The following EVC variants were observed in gnomAD, a reference collection of about 807,000 sequenced individuals.
EVC encodes the protein EvC ciliary complex subunit 1.
Under a neutral mutation model 118.9 loss-of-function variants are expected in EVC, and 116 were observed. The observed-to-expected ratio is 0.98, with a 90% CI of 0.84 to 1.14. The LOEUF (loss-of-function observed/expected upper bound fraction) is 1.14, where lower values mean the gene tolerates loss of function less well. Among genes scored for constraint, EVC ranks in the 50% most tolerant of loss-of-function variants. The pLI is 0.00. For missense variants in EVC, 1,401 were observed against 1,246.4 expected (o/e 1.12, Z -1.87); for synonymous variants, 619 against 534.7 (o/e 1.16, Z -2.18).
intron 18 of EVC, 21 bp from the exon 19 acceptor site, chr4:5,809,497 T>A: frequency 6.2e-7 from 1 of 1,610,606 alleles, no homozygotes; most frequent in Non-Finnish European, 8.5e-7. Flanking sequence ...AGCTGAATGC[T>A]CCTCTCTGCT....
Position 5,748,164 on chromosome 4 carries a change from AAC to A in EVC, c.958_959del (p.Gln320AspfsTer13). On this transcript the variant is annotated frameshift_variant, in exon 8 of 21. Coordinates refer to ENST00000264956, the MANE Select transcript of EVC (RefSeq NM_153717.3). LOFTEE classifies it high-confidence loss of function. ...ATTTCACAGATGGAAGCTTTCTGGA[AAC>A]AGATGGCAAATATCCAGCACTTTCT... is the stretch of plus-strand genomic sequence containing the variant. The A allele has an allele frequency of 1.2e-6, 2 of 1,614,220 alleles. No homozygotes were observed. The highest frequency in any genetic ancestry group is 1.7e-6 in the Non-Finnish European group (2 of 1,180,048).
chr4:5,756,516 G>A lies in EVC; in HGVS notation c.1563+154G>A, dbSNP rs556497958. ...CACGCAGGCTGTGTCCCCTCCATGC[G>A]ATCCTCCTTGCCCACATCAGAAACC... is the stretch of plus-strand genomic sequence containing the variant. On this transcript the variant is annotated intron_variant, in intron 11 of 20. Transcript: ENST00000264956. The surrounding 1 kb of genome is among the most constrained non-coding windows in gnomAD (Gnocchi z 4.2). Among the ~76,000 whole-genome samples, 5 of 152,178 alleles carry A rather than the reference G, an allele frequency of 3.3e-5. No individual in the cohort carries two copies. Among genetic ancestry groups the A allele is most frequent in the Non-Finnish European group, 7.4e-5 (5 of 68,024 alleles).
chr4:5,792,402 G>A (rs1263756050), intron 12 of EVC, among the ~76,000 whole-genome samples: 2 of 152,292 alleles, frequency 1.3e-5, no homozygotes, highest in East Asian at 3.9e-4. Flanking sequence ...TTTTTTTAGG[G>A]ATAAAGAGAG....
chr4:5,827,790 T>C, the EVC span, among the ~76,000 whole-genome samples: 1 of 151,428 alleles, frequency 6.6e-6, no homozygotes, highest in Non-Finnish European at 1.5e-5. Context: ...AGCTGTCTCA[T>C]GGGGAAAGCA....
In EVC at chr4:5,711,255, G is replaced by A; in HGVS notation, c.-126G>A. 5.3e-6 allele frequency: 3 copies of A among 568,438 alleles called. No homozygotes were observed. Among genetic ancestry groups the A allele is most frequent in the Non-Finnish European group, 6.7e-6 (3 of 448,016 alleles). The allele number at this position is 568,438 out of a possible 1,614,324, so 35.2% of individuals were successfully genotyped here. ...AAGCAGGAGTCGGGAGACTGCACAG[G>A]CCAGAAAGTCTGCGGAGCGGGCCGC... On this transcript the variant is annotated 5_prime_UTR_variant, in exon 1 of 21. Coordinates refer to ENST00000264956, the MANE Select transcript of EVC (RefSeq NM_153717.3).
chr4:5,789,905 G>A lies in EVC; in HGVS notation c.1777-3703G>A, dbSNP rs931829902. Among the ~76,000 whole-genome samples, 3 of 152,152 alleles carry A rather than the reference G, an allele frequency of 2.0e-5. No homozygotes were observed. Among genetic ancestry groups the A allele is most frequent in the African/African-American group, 7.2e-5 (3 of 41,424 alleles). On this transcript the variant is annotated intron_variant, in intron 12 of 20. Transcript: ENST00000264956. The surrounding 1 kb of genome is among the most constrained non-coding windows in gnomAD (Gnocchi z 4.3). ...CTTTCAAAGAATCAAGACTGGCCAA[G>A]CATGGTGGATCACGCCTGTAATCCC...
chr4:5,721,935 A>G lies in EVC; in HGVS notation c.300+2562A>G, dbSNP rs543001423. On this transcript the variant is annotated intron_variant, in intron 2 of 20. Transcript: ENST00000264956. Reference sequence around the variant, plus strand: ...CTGAAGATAGGGAGAACTATGAAATAGTATACATGAGTGAACTGCAGGGTG... The same window carrying G: ...CTGAAGATAGGGAGAACTATGAAATGGTATACATGAGTGAACTGCAGGGTG... Among the ~76,000 whole-genome samples, 3 of 152,236 alleles carry G rather than the reference A, an allele frequency of 2.0e-5. No homozygotes were observed. In the South Asian group the frequency reaches 6.2e-4, roughly 32 times the overall value.
chr4:5,742,618 C>T lies in EVC; in HGVS notation c.801+804C>T, dbSNP rs150022758. On this transcript the variant is annotated intron_variant, in intron 6 of 20. Transcript: ENST00000264956. The surrounding 1 kb of genome is among the most constrained non-coding windows in gnomAD (Gnocchi z 5.2). Reference sequence around the variant, plus strand: ...TCCTCATGACCGCTGTCATCACCAACACCATCACCATCCTCATGTCCTCAT... The same window carrying T: ...TCCTCATGACCGCTGTCATCACCAATACCATCACCATCCTCATGTCCTCAT... Among the ~76,000 whole-genome samples the T allele has an allele frequency of 3.6e-3, 547 of 152,302 alleles. 1 individual carries two copies. Among genetic ancestry groups the T allele is most frequent in the Non-Finnish European group, 6.1e-3 (416 of 68,028 alleles).
At position 5,723,480 on chromosome 4, in the gene EVC, C is replaced by T. The variant is rs528594797; in HGVS notation, c.300+4107C>T. 9.9e-5 allele frequency among the ~76,000 whole-genome samples: 15 copies of T among 152,146 alleles called. No individual in the cohort carries two copies. The South Asian group carries it at 2.1e-3, about 21-fold the overall frequency. On this transcript the variant is annotated intron_variant, in intron 2 of 20. Transcript: ENST00000264956. The stretch of plus-strand genomic sequence containing the variant: ...CTGGGATTACAGGTGTGAGCCACCG[C>T]GCCTGGTCCTTTCCTTTTCATAATT...
At chr4:5,753,329 G>A (rs1332704028) in intron 9 of EVC, among the ~76,000 whole-genome samples, 2 of 152,234 alleles carry the variant, frequency 1.3e-5, no homozygotes, top group Non-Finnish European at 2.9e-5. Flanking sequence ...CCCACGTCCT[G>A]CAGCAAAGCC....
rs1712274027 is a variant in EVC at position 5,789,120 on chromosome 4, T to C, written c.1777-4488T>C. On this transcript the variant is annotated intron_variant, in intron 12 of 20. Coordinates refer to ENST00000264956, the MANE Select transcript of EVC (RefSeq NM_153717.3). This position sits in a 1 kb window ranked among gnomAD's most constrained non-coding sequence, Gnocchi z 4.3. ...TTTTCTCTGTTAGTGATACTGGAAA[T>C]AATTGGGCATCTTACAGTCGTCAGC... 6.6e-6 allele frequency among the ~76,000 whole-genome samples: 1 copy of C among 152,208 alleles called. No individual in the cohort carries two copies.
chr4:5,712,364 GTTC>G (rs1723185341), intron 1 of EVC, among the ~76,000 whole-genome samples: 2 of 152,216 alleles, frequency 1.3e-5, no homozygotes, highest in Non-Finnish European at 2.9e-5. Context: ...AAGCCACTGT[GTTC>G]TTCATGGATG....
intron 11 of EVC, among the ~76,000 whole-genome samples, chr4:5,779,468 C>T (rs1221428032): frequency 6.7e-6 from 1 of 150,296 alleles, no homozygotes; most frequent in African/African-American, 2.5e-5. Context: ...TCTTCCTACC[C>T]ATGAGCATGG....
chr4:5,806,178 C>T (rs1715876587), intron 17 of EVC, among the ~76,000 whole-genome samples: 1 of 151,938 alleles, frequency 6.6e-6, no homozygotes, highest in Admixed American at 6.6e-5. Context: ...CTCCCGGGTT[C>T]AAGCGATTCT....
At chr4:5,775,254 TAA>T (rs1734550182) in intron 11 of EVC, among the ~76,000 whole-genome samples, 1 of 152,132 alleles carries the variant, frequency 6.6e-6, no homozygotes, top group East Asian at 1.9e-4. Flanking sequence ...CTGTGAAATA[TAA>T]GACATATGAA....
Position 5,798,730 on chromosome 4 carries a change from C to T in EVC, c.2242C>T (p.Leu748=). Residue 748 remains leucine, a synonymous_variant, in exon 15 of 21, where the codon CTG becomes TTG. Coordinates refer to ENST00000264956, the MANE Select transcript of EVC (RefSeq NM_153717.3). The surrounding 1 kb of genome is among the most constrained non-coding windows in gnomAD (Gnocchi z 4.1). ...QHMECAIGQA[L]LVHARNAATK... is the part of the protein sequence containing the mutation. ...CATGGAGTGCGCCATTGGGCAGGCG[C>T]TGCTGGTGCATGCACGGAATGCAGC... 1 of 1,611,100 alleles carries T rather than the reference C, an allele frequency of 6.2e-7. No homozygotes were observed.
chr4:5,825,842 T>C, the EVC span: 1 of 605,396 alleles, frequency 1.7e-6, no homozygotes. This position sits in a 1 kb window ranked among gnomAD's most constrained non-coding sequence, Gnocchi z 4.4. Flanking sequence ...CACACAGGCA[T>C]TCATACACAC....
Position 5,746,666 on chromosome 4 carries a change from C to T in EVC, c.939+1325C>T, listed in dbSNP as rs182691665. On this transcript the variant is annotated intron_variant, in intron 7 of 20. Transcript: ENST00000264956. The surrounding 1 kb of genome is among the most constrained non-coding windows in gnomAD (Gnocchi z 5.8). ...CCAACGCTGTGTGCAGTATCTTGTC[C>T]ATGTCTGCCTTTCTCAGGGACAGGG... Among the ~76,000 whole-genome samples the T allele has an allele frequency of 8.9e-4, 135 of 152,250 alleles. 1 individual carries two copies. Among genetic ancestry groups the T allele is most frequent in the African/African-American group, 3.0e-3 (125 of 41,558 alleles).
chr4:5,762,029 T>A (rs1213651329), intron 11 of EVC, among the ~76,000 whole-genome samples: 1 of 147,348 alleles, frequency 6.8e-6, no homozygotes, highest in African/African-American at 2.5e-5. Flanking sequence ...ATTAGGTATA[T>A]CTCCCAGTGC....
Sources: gnomAD v4.1 joint callset for allele counts (sites outside exome capture counted in the v4.1 genomes callset) on GRCh38, gnomAD v4.1.1 for gene constraint, Gnocchi (gnomAD v3.1) non-coding constraint, MANE v1.5 for transcripts, NCBI Gene and HGNC (gene_info 2026-07-23, HGNC 2026-07-21) for gene names.